The following DYRK2 variants were observed in gnomAD, a reference collection of about 807,000 sequenced individuals.
DYRK2 encodes dual specificity tyrosine phosphorylation regulated kinase 2.
Under a neutral mutation model 41.6 loss-of-function variants are expected in DYRK2, and 12 were observed. The observed-to-expected ratio is 0.29, with a 90% confidence interval of 0.18 to 0.47. DYRK2 has a LOEUF of 0.47. DYRK2 is among the 20% of genes least tolerant of loss of function. The probability of loss-of-function intolerance (pLI) is 1.00; values close to 1 mark genes in which losing one functional copy is unlikely to be tolerated. For synonymous variants in DYRK2, 322 were observed against 315.7 expected, an observed-to-expected ratio of 1.02 and a Z score of -0.21; for missense variants, 678 against 798.4, an observed-to-expected ratio of 0.85 and a Z score of 1.82.
Position 67,659,280 on chromosome 12 carries a change from A to G in DYRK2, c.*567A>G, listed in dbSNP as rs1458171627. ...CCTCTAGTGCTCAAACAAATACAAA[A>G]TAAGATCCCCAAGGTTTAAACTGCC... On this transcript the variant is annotated 3_prime_UTR_variant, in exon 3 of 3. Coordinates refer to ENST00000344096, the MANE Select transcript of DYRK2 (RefSeq NM_006482.3). 3 of 167,088 alleles carry G rather than the reference A, an allele frequency of 1.8e-5. No individual in the cohort carries two copies. Among genetic ancestry groups the G allele is most frequent in the African/African-American group, 4.8e-5 (2 of 41,460 alleles). 10.4% of individuals were successfully genotyped at this position (167,088 alleles called of 1,614,324 possible).
rs1465309085 is a variant in DYRK2, at chr12:67,659,646, A to T, written c.*933A>T. 6.0e-6 allele frequency: 1 copy of T among 166,922 alleles called. No homozygotes were observed. The highest frequency in any genetic ancestry group is 2.4e-5 in the African/African-American group (1 of 41,424). The allele number at this position is 166,922 out of a possible 1,614,324, so 10.3% of individuals were successfully genotyped here. A position where few individuals can be genotyped will look rare whatever the true frequency, so the allele number is the denominator to read the frequency against. ...ATGACCATTGTTTCATATTCCAATT[A>T]AAAAAAGAACAGCAGCCTAGCTACT... On this transcript the variant is annotated 3_prime_UTR_variant, in exon 3 of 3. Transcript: ENST00000344096.
intron 2 of DYRK2, chr12:67,651,581 C>T (rs1483621262): frequency 1.5e-5 from 7 of 455,886 alleles, no homozygotes; most frequent in Non-Finnish European, 2.6e-5. Context: ...TTTGCTGTGG[C>T]ATATGCCAGA....
In DYRK2 at chr12:67,662,955, G is replaced by A. The variant is rs1872662484; in HGVS notation, c.*4242G>A. Reference sequence around the variant, plus strand: ...TTTTATGTTAACTTTTTTATATATAGCCTCTGCTGTGTTCTTTATTATGCT... The same window carrying A: ...TTTTATGTTAACTTTTTTATATATAACCTCTGCTGTGTTCTTTATTATGCT... On this transcript the variant is annotated 3_prime_UTR_variant, in exon 3 of 3. Transcript: ENST00000344096. 6.6e-6 allele frequency: 1 copy of A among 151,846 alleles called. No individual in the cohort carries two copies. Among genetic ancestry groups the A allele is most frequent in the South Asian group, 2.1e-4 (1 of 4,820 alleles). 9.4% of individuals were successfully genotyped at this position (151,846 alleles called of 1,614,324 possible).
intron 2 of DYRK2, among the ~76,000 whole-genome samples, chr12:67,654,354 C>G (rs1042811757): frequency 3.3e-5 from 5 of 152,176 alleles, no homozygotes; most frequent in African/African-American, 1.2e-4. Context: ...TAAGTTCTTG[C>G]ATTAGCTATG....
rs540396108 is a variant in DYRK2, at chr12:67,660,558, C to T, written c.*1845C>T. The T allele has an allele frequency of 1.2e-5, 2 of 167,050 alleles. No homozygotes were observed. The highest frequency in any genetic ancestry group is 1.9e-4 in the East Asian group (1 of 5,184). The allele number at this position is 167,050 out of a possible 1,614,324, so 10.3% of individuals were successfully genotyped here. A position where few individuals can be genotyped will look rare whatever the true frequency, so the allele number is the denominator to read the frequency against. ...GTACTTCTGTGTTTAGAAATTATAG[C>T]TTCTTTTCCCTTAGTCAAATTTTTT... On this transcript the variant is annotated 3_prime_UTR_variant, in exon 3 of 3. Coordinates refer to ENST00000344096, the MANE Select transcript of DYRK2 (RefSeq NM_006482.3).
chr12:67,660,272 A>G lies in DYRK2; in HGVS notation c.*1559A>G, dbSNP rs1036801474. 6 of 167,032 alleles carry G rather than the reference A, an allele frequency of 3.6e-5. No homozygotes were observed. Among genetic ancestry groups the G allele is most frequent in the African/African-American group, 1.4e-4 (6 of 41,532 alleles). The allele number at this position is 167,032 out of a possible 1,614,324, so 10.3% of individuals were successfully genotyped here. On this transcript the variant is annotated 3_prime_UTR_variant, in exon 3 of 3. Coordinates refer to ENST00000344096, the MANE Select transcript of DYRK2 (RefSeq NM_006482.3). ...AGATTATTGTATTACCTGTAAATTG[A>G]TTTACAAGTACTTAAAAGCGTGGTC...
intron 2 of DYRK2, among the ~76,000 whole-genome samples, chr12:67,655,159 T>G (rs1464090282): frequency 6.6e-6 from 1 of 152,230 alleles, no homozygotes; most frequent in Non-Finnish European, 1.5e-5. Flanking sequence ...TTCTGAGGCT[T>G]GGTTTTACTT....
chr12:67,658,410 G>T lies in DYRK2; in HGVS notation c.1503G>T (p.Lys501Asn). Residue 501 changes from lysine to asparagine, a missense_variant, in exon 3 of 3, where the codon AAG becomes AAT. Physicochemically the swap from Lys to Asn is moderately conservative, Grantham distance 94. Coordinates refer to ENST00000344096, the MANE Select transcript of DYRK2 (RefSeq NM_006482.3). This position sits in a 1 kb window ranked among gnomAD's most constrained non-coding sequence, Gnocchi z 4.3. The part of the protein sequence containing the change: ...PESREWGNAL[K>N]GCDDPLFLDF... ...GCAGAGAGTGGGGGAACGCGCTGAA[G>T]GGGTGTGATGATCCCCTTTTCCTTG... 2 of 1,595,540 alleles carry T rather than the reference G, an allele frequency of 1.3e-6. No individual in the cohort carries two copies. The highest frequency in any genetic ancestry group is 1.7e-6 in the Non-Finnish European group (2 of 1,171,452).
Position 67,661,635 on chromosome 12 carries a change from T to A in DYRK2, c.*2922T>A, listed in dbSNP as rs1357372623. The A allele has an allele frequency of 6.0e-6, 1 of 167,062 alleles. No homozygotes were observed. Among genetic ancestry groups the A allele is most frequent in the Non-Finnish European group, 1.5e-5 (1 of 68,100 alleles). The allele number at this position is 167,062 out of a possible 1,614,324, so 10.3% of individuals were successfully genotyped here. ...ACCCATCTCTGCAAAGATACATCTG[T>A]CTTAAATATCTAGTTACAGGCCTTA... On this transcript the variant is annotated 3_prime_UTR_variant, in exon 3 of 3. Transcript: ENST00000344096.
rs966437540 is a variant in DYRK2, at chr12:67,660,162, A to G, written c.*1449A>G. ...GTGAAAAAAATTTTTTAGTATGTGC[A>G]ATTTAATATAGAAAGATTTCTGCCT... is the stretch of plus-strand genomic sequence containing the variant. On this transcript the variant is annotated 3_prime_UTR_variant, in exon 3 of 3. Transcript: ENST00000344096. 2 of 167,078 alleles carry G rather than the reference A, an allele frequency of 1.2e-5. No homozygotes were observed. The highest frequency in any genetic ancestry group is 4.8e-5 in the African/African-American group (2 of 41,464). The allele number at this position is 167,078 out of a possible 1,614,324, so 10.3% of individuals were successfully genotyped here. A position where few individuals can be genotyped will look rare whatever the true frequency, so the allele number is the denominator to read the frequency against.
Position 67,657,408 on chromosome 12 carries a change from C to T in DYRK2, c.501C>T (p.Leu167=). 3 of 1,614,186 alleles carry T rather than the reference C, an allele frequency of 1.9e-6. No individual in the cohort carries two copies. Among genetic ancestry groups the T allele is most frequent in the Non-Finnish European group, 2.5e-6 (3 of 1,180,034 alleles). ...EQAMKQYMQK[L]TAFEHHEIFS... ...CAATGAAGCAATACATGCAAAAACT[C>T]ACAGCCTTCGAACACCATGAGATTT... Residue 167 remains leucine (L), a synonymous_variant, in exon 3 of 3, where the codon CTC becomes CTT. Transcript: ENST00000344096. This position sits in a 1 kb window ranked among gnomAD's most constrained non-coding sequence, Gnocchi z 4.8.
intron 2 of DYRK2, among the ~76,000 whole-genome samples, chr12:67,650,832 T>A (rs1312696947): frequency 1.3e-5 from 2 of 152,182 alleles, no homozygotes; most frequent in Non-Finnish European, 1.5e-5. Context: ...AATTGGATTT[T>A]CCACAGGAAC....
In DYRK2 at chr12:67,659,238, T is replaced by G. The variant is rs554721640; in HGVS notation, c.*525T>G. 6.0e-6 allele frequency: 1 copy of G among 167,244 alleles called. No individual in the cohort carries two copies. The highest frequency in any genetic ancestry group is 2.4e-5 in the African/African-American group (1 of 41,564). 10.4% of individuals were successfully genotyped at this position (167,244 alleles called of 1,614,324 possible). ...ATCAAAGTGACATTCTAAGAAAAACTGTACCTTAGAGATTTTCCTCTAGTG... is the reference window on the plus strand; with the variant it reads ...ATCAAAGTGACATTCTAAGAAAAACGGTACCTTAGAGATTTTCCTCTAGTG... On this transcript the variant is annotated 3_prime_UTR_variant, in exon 3 of 3. Coordinates refer to ENST00000344096, the MANE Select transcript of DYRK2 (RefSeq NM_006482.3).
In DYRK2 at chr12:67,660,137, G is replaced by A. The variant is rs983669599; in HGVS notation, c.*1424G>A. 18 of 166,816 alleles carry A rather than the reference G, an allele frequency of 1.1e-4. No homozygotes were observed. The highest frequency in any genetic ancestry group is 3.6e-4 in the African/African-American group (15 of 41,372). The allele number at this position is 166,816 out of a possible 1,614,324, so 10.3% of individuals were successfully genotyped here. A position where few individuals can be genotyped will look rare whatever the true frequency, so the allele number is the denominator to read the frequency against. On this transcript the variant is annotated 3_prime_UTR_variant, in exon 3 of 3. Coordinates refer to ENST00000344096, the MANE Select transcript of DYRK2 (RefSeq NM_006482.3). ...ATGATCTATATCAATTTCAAGGCAC[G>A]TGAAAAAAATTTTTTAGTATGTGCA... is the stretch of plus-strand genomic sequence containing the variant.
Position 67,664,177 on chromosome 12 carries a change from G to A in DYRK2, c.*5464G>A, listed in dbSNP as rs933000102. On this transcript the variant is annotated 3_prime_UTR_variant, in exon 3 of 3. Transcript: ENST00000344096. ...ATTACATCTTACTGCGAAGTCTTTG[G>A]TTTGTTTCCTTATTTGGTTTGACTT... is the stretch of plus-strand genomic sequence containing the variant. The A allele has an allele frequency of 6.6e-6, 1 of 152,058 alleles. No homozygotes were observed. Among genetic ancestry groups the A allele is most frequent in the Non-Finnish European group, 1.5e-5 (1 of 68,000 alleles). The allele number at this position is 152,058 out of a possible 1,614,324, so 9.4% of individuals were successfully genotyped here.
rs1872685732 is a variant in DYRK2 at position 67,663,968 on chromosome 12, A to G, written c.*5255A>G. Reference sequence around the variant, plus strand: ...AAGGGGAAATTGATTTGACTGCTTCATGTTTTGAAAAGAGCATTAAGAGGG... The same window carrying G: ...AAGGGGAAATTGATTTGACTGCTTCGTGTTTTGAAAAGAGCATTAAGAGGG... On this transcript the variant is annotated 3_prime_UTR_variant, in exon 3 of 3. Coordinates refer to ENST00000344096, the MANE Select transcript of DYRK2 (RefSeq NM_006482.3). The G allele has an allele frequency of 6.6e-6, 1 of 152,176 alleles. No individual in the cohort carries two copies. The highest frequency in any genetic ancestry group is 2.4e-5 in the African/African-American group (1 of 41,456). The allele number at this position is 152,176 out of a possible 1,614,324, so 9.4% of individuals were successfully genotyped here. A position where few individuals can be genotyped will look rare whatever the true frequency, so the allele number is the denominator to read the frequency against.
In DYRK2 at chr12:67,661,796, AT is replaced by A. The variant is rs11339124; in HGVS notation, c.*3093del. On this transcript the variant is annotated 3_prime_UTR_variant, in exon 3 of 3. Coordinates refer to ENST00000344096, the MANE Select transcript of DYRK2 (RefSeq NM_006482.3). Reference sequence around the variant, plus strand: ...ATCTTAACATCAGACTGATTTTTACATTTTTTTTTTGTTATGCTAACACTAG... The same window carrying A: ...ATCTTAACATCAGACTGATTTTTACATTTTTTTTTGTTATGCTAACACTAG... 15,461 of 162,684 alleles carry A rather than the reference AT, an allele frequency of 0.095. 2,551 individuals are homozygous for A. The highest frequency in any genetic ancestry group is 0.35 in the African/African-American group (14,378 of 41,182). 10.1% of individuals were successfully genotyped at this position (162,684 alleles called of 1,614,324 possible). A position where few individuals can be genotyped will look rare whatever the true frequency, so the allele number is the denominator to read the frequency against.
chr12:67,651,303 A>G (rs1322948211), intron 2 of DYRK2, among the ~76,000 whole-genome samples: 1 of 152,192 alleles, frequency 6.6e-6, no homozygotes, highest in Non-Finnish European at 1.5e-5. Flanking sequence ...TCATCTGACA[A>G]TTTGGAAAAT....
In DYRK2 at chr12:67,657,921, T is replaced by C. The variant is rs1370344134; in HGVS notation, c.1014T>C (p.Ala338=). ...ACTCGATTCTGCAGTGCTTGGATGC[T>C]TTGCACAAAAACAGAATAATTCACT... The part of the protein sequence containing the change: ...FAHSILQCLD[A]LHKNRIIHCD... Residue 338 remains alanine, a synonymous_variant, in exon 3 of 3, where the codon GCT becomes GCC. Coordinates refer to ENST00000344096, the MANE Select transcript of DYRK2 (RefSeq NM_006482.3). The surrounding 1 kb of genome is among the most constrained non-coding windows in gnomAD (Gnocchi z 4.8). 1 of 1,614,244 alleles carries C rather than the reference T, an allele frequency of 6.2e-7. No homozygotes were observed. The highest frequency in any genetic ancestry group is 1.7e-5 in the Admixed American group (1 of 60,016).
Sources: gnomAD v4.1 joint callset for allele counts (sites outside exome capture counted in the v4.1 genomes callset) on GRCh38, gnomAD v4.1.1 for gene constraint, Gnocchi (gnomAD v3.1) non-coding constraint, MANE v1.5 for transcripts, NCBI Gene and HGNC (gene_info 2026-07-23, HGNC 2026-07-21) for gene names.